The following ZNF536 variants were observed in gnomAD, a reference collection of about 807,000 sequenced individuals.
ZNF536 encodes the protein zinc finger protein 536.
In ZNF536, 13 loss-of-function variants were observed where a neutral mutation model predicts 84.5. That is an observed-to-expected ratio of 0.15 (90% CI 0.10 to 0.24). The LOEUF (loss-of-function observed/expected upper bound fraction) is 0.24. Among genes scored for constraint, ZNF536 ranks in the 10% least tolerant of loss-of-function variants. ZNF536 has a pLI of 1.00. For missense variants in ZNF536, 1,536 were observed against 1,747.5 expected (o/e 0.88, Z 2.16); for synonymous variants, 811 against 742.5 (o/e 1.09, Z -1.50).
intron 1 of ZNF536, among the ~76,000 whole-genome samples, chr19:30,598,392 C>T (rs1193586762): frequency 3.9e-5 from 6 of 152,158 alleles, no homozygotes. Flanking sequence ...TCTGCAGAGA[C>T]CTGGGTGCCC....
At chr19:30,643,273 A>G (rs2049332197) in intron 1 of ZNF536, among the ~76,000 whole-genome samples, 1 of 152,074 alleles carries the variant, frequency 6.6e-6, no homozygotes, top group Admixed American at 6.5e-5. Context: ...AAGTTACTTA[A>G]TTTGCTGGGG....
chr19:30,587,197 T>C (rs1794899597), intron 1 of ZNF536, among the ~76,000 whole-genome samples: 1 of 152,252 alleles, frequency 6.6e-6, no homozygotes, highest in Admixed American at 6.5e-5. Context: ...TTTTTCTTTT[T>C]ATTTTTTTAA....
chr19:30,546,323 G>C (rs1421088263), intron 3 of ZNF536, among the ~76,000 whole-genome samples: 1 of 152,238 alleles, frequency 6.6e-6, no homozygotes, highest in Non-Finnish European at 1.5e-5. Context: ...GGTCTAGCTA[G>C]AGATGACTGT....
intron 1 of ZNF536, among the ~76,000 whole-genome samples, chr19:30,600,284 G>A (rs1455285096): frequency 1.3e-5 from 2 of 151,948 alleles, no homozygotes; most frequent in Non-Finnish European, 2.9e-5. Context: ...GTAGAGACGG[G>A]GTTTCACCAT....
chr19:30,260,379 G>A (rs2025144670), intron 1 of ZNF536, among the ~76,000 whole-genome samples: 2 of 152,200 alleles, frequency 1.3e-5, no homozygotes, highest in South Asian at 4.1e-4. Flanking sequence ...AGAGTTGTCT[G>A]TTTAGAGTTT....
intron 1 of ZNF536, among the ~76,000 whole-genome samples, chr19:30,380,933 G>A (rs897031311): frequency 6.6e-6 from 1 of 152,154 alleles, no homozygotes; most frequent in African/African-American, 2.4e-5. Context: ...CTGGAGTGCA[G>A]CCATGCAATC....
At chr19:30,360,573 C>A (rs926832370) in intron 3 of ZNF536, among the ~76,000 whole-genome samples, 1 of 152,130 alleles carries the variant, frequency 6.6e-6, no homozygotes, top group Non-Finnish European at 1.5e-5. Context: ...TAATGAAACA[C>A]GATCAGTATT....
intron 2 of ZNF536, among the ~76,000 whole-genome samples, chr19:30,457,050 A>AAC (rs545978674): frequency 0.024 from 3,565 of 151,452 alleles, 81 homozygotes; most frequent in African/African-American, 0.054. Context: ...TCAAAAAAAA[A>AAC]AAAAAACAAA....
intron 2 of ZNF536, among the ~76,000 whole-genome samples, chr19:30,461,603 A>G (rs1223189861): frequency 1.3e-5 from 2 of 152,116 alleles, no homozygotes; most frequent in Admixed American, 1.3e-4. Context: ...TTGTTCCCCT[A>G]GTGTCTAAGA....
At chr19:30,672,683 T>C (rs2050602317) in intron 1 of ZNF536, among the ~76,000 whole-genome samples, 1 of 152,238 alleles carries the variant, frequency 6.6e-6, no homozygotes, top group Admixed American at 6.5e-5. Flanking sequence ...CTACCACTTA[T>C]GAGTTCTGTG....
chr19:30,242,651 C>T (rs1350486147), intron 1 of ZNF536, among the ~76,000 whole-genome samples: 1 of 152,186 alleles, frequency 6.6e-6, no homozygotes, highest in Admixed American at 6.5e-5. Context: ...TCCCCATCCC[C>T]AACTCTTCAT....
rs950818396 is a variant in ZNF536, at chr19:30,410,513, C to T, written c.-2-33048C>T. On this transcript the variant is annotated intron_variant, in intron 1 of 4. Coordinates refer to ENST00000355537, the MANE Select transcript of ZNF536 (RefSeq NM_014717.3). The stretch of plus-strand genomic sequence containing the variant: ...TTTTTGAGACGGAGTCTCGCTCTGT[C>T]GCCCAGGCTGGAGTGCAGTGGCGCG... Among the ~76,000 whole-genome samples, 12 of 126,040 alleles carry T rather than the reference C, an allele frequency of 9.5e-5. No individual in the cohort carries two copies. The Admixed American group carries it at 1.2e-3, about 13-fold the overall frequency. 82.7% of individuals were successfully genotyped at this position (126,040 alleles called of 152,430 possible). A position where few individuals can be genotyped will look rare whatever the true frequency, so the allele number is the denominator to read the frequency against.
chr19:30,561,700 G>A (rs954213109), downstream of ZNF536, among the ~76,000 whole-genome samples: 2 of 152,164 alleles, frequency 1.3e-5, no homozygotes, highest in African/African-American at 4.8e-5. Context: ...TCTCTTCAAG[G>A]ATTGAAGGAG....
intron 2 of ZNF536, among the ~76,000 whole-genome samples, chr19:30,465,029 G>C (rs1324445072): frequency 6.6e-6 from 1 of 152,160 alleles, no homozygotes; most frequent in African/African-American, 2.4e-5. Context: ...CCAGGCAACA[G>C]AGTGGTCATT....
Position 30,361,831 on chromosome 19 carries a change from G to A in ZNF536, c.-3+9347G>A, listed in dbSNP as rs957799996. 2.6e-5 allele frequency among the ~76,000 whole-genome samples: 4 copies of A among 151,254 alleles called. No individual in the cohort carries two copies. The East Asian group carries it at 7.8e-4, about 30-fold the overall frequency. On this transcript the variant is annotated intron_variant, in intron 3 of 5. Coordinates refer to the ZNF536 transcript ENST00000585628. ...TCCTCCAGGGTGGGGTGGGTGGGGCGGGCATCCCACATCACTTCAGGGTCC... is the reference window on the plus strand; with the variant it reads ...TCCTCCAGGGTGGGGTGGGTGGGGCAGGCATCCCACATCACTTCAGGGTCC...
chr19:30,583,200 G>A (rs2046984685), intron 1 of ZNF536, among the ~76,000 whole-genome samples: 1 of 152,182 alleles, frequency 6.6e-6, no homozygotes, highest in African/African-American at 2.4e-5. Context: ...CCTGTTGGAA[G>A]GAGTTCCTGG....
At chr19:30,700,896 C>T (rs1451069115) in intron 1 of ZNF536, among the ~76,000 whole-genome samples, 4 of 152,142 alleles carry the variant, frequency 2.6e-5, no homozygotes, top group Non-Finnish European at 4.4e-5. Flanking sequence ...TTGTGCAGCT[C>T]TGGGAGAAGT....
chr19:30,280,993 A>T (rs950899776), intron 1 of ZNF536, among the ~76,000 whole-genome samples: 1 of 152,086 alleles, frequency 6.6e-6, no homozygotes, highest in African/African-American at 2.4e-5. Context: ...TGCCTGTGGA[A>T]TTCACAGGGA....
chr19:30,563,039 A>T (rs2046228036), downstream of ZNF536, among the ~76,000 whole-genome samples: 1 of 152,222 alleles, frequency 6.6e-6, no homozygotes, highest in Non-Finnish European at 1.5e-5. Context: ...TAAAGTGAAT[A>T]TGAAGAACTT....
Sources: allele counts gnomAD v4.1 joint callset (sites outside exome capture counted in the v4.1 genomes callset), GRCh38; gene constraint gnomAD v4.1.1; transcripts MANE v1.5; gene names NCBI Gene and HGNC (gene_info 2026-07-23, HGNC 2026-07-21).